PPARG: variants seen among roughly 807,000 people sequenced by gnomAD.
PPARG encodes the protein peroxisome proliferator activated receptor gamma.
PPARG carries 17 observed loss-of-function variants against 39.2 expected under a neutral mutation model. The ratio of observed to expected loss-of-function variants is 0.43; its 90% CI spans 0.30 to 0.65. The LOEUF is 0.65. Among genes scored for constraint, PPARG ranks in the 30% least tolerant of loss-of-function variants. The pLI, the probability that PPARG is intolerant of heterozygous loss-of-function variation, is 0.13. For missense variants in PPARG, 406 were observed against 585.9 expected (o/e 0.69, Z 3.17); for synonymous variants, 223 against 215.7 (o/e 1.03, Z -0.30).
At chr3:12,329,691 T>C (rs1029184304) in intron 2 of PPARG, among the ~76,000 whole-genome samples, 27 of 152,236 alleles carry the variant, frequency 1.8e-4, no homozygotes, top group African/African-American at 6.3e-4. Flanking sequence ...ATTGGTACAG[T>C]GGCATTGGTT....
intron 2 of PPARG, among the ~76,000 whole-genome samples, chr3:12,366,778 C>T (rs551229239): frequency 5.3e-5 from 8 of 152,164 alleles, no homozygotes; most frequent in African/African-American, 1.2e-4. Flanking sequence ...TCTTTTCATA[C>T]ATTATCGGAT....
chr3:12,433,513 G>A (rs1243160399), intron 7 of PPARG, among the ~76,000 whole-genome samples: 1 of 150,002 alleles, frequency 6.7e-6, no homozygotes. Context: ...ACTCCAGCCT[G>A]GATGACAGAG....
intron 1 of PPARG, chr3:12,301,819 T>C (rs958838224): frequency 1.3e-5 from 2 of 152,142 alleles, no homozygotes; most frequent in African/African-American, 2.4e-5. Flanking sequence ...CAAGAGAAGA[T>C]AATATAAGGA....
At chr3:12,396,914 A>C (rs1397854369) in intron 5 of PPARG, among the ~76,000 whole-genome samples, 1 of 151,962 alleles carries the variant, frequency 6.6e-6, no homozygotes, top group Non-Finnish European at 1.5e-5. Context: ...TTAGAGATGG[A>C]GTCTCCCTGT....
chr3:12,290,976 G>A (rs986539464), intron 1 of PPARG, among the ~76,000 whole-genome samples: 1 of 152,180 alleles, frequency 6.6e-6, no homozygotes, highest in Non-Finnish European at 1.5e-5. Context: ...GCATAGGACA[G>A]AGTTGGTCAT....
At chr3:12,354,981 A>C (rs1575045589) in intron 2 of PPARG, among the ~76,000 whole-genome samples, 1 of 152,276 alleles carries the variant, frequency 6.6e-6, no homozygotes, top group Non-Finnish European at 1.5e-5. Context: ...CACTTTCATT[A>C]ATATTTTCCT....
At chr3:12,347,262 G>A (rs1373365264) in intron 2 of PPARG, among the ~76,000 whole-genome samples, 1 of 151,766 alleles carries the variant, frequency 6.6e-6, no homozygotes, top group African/African-American at 2.4e-5. Flanking sequence ...AGGCAGGGGG[G>A]TCACTTGAGC....
intron 2 of PPARG, 54 bp from the exon 3 acceptor site, chr3:12,379,650 G>C (rs2049552282): frequency 1.4e-6 from 2 of 1,470,198 alleles, no homozygotes; most frequent in East Asian, 4.5e-5. Context: ...AACTCTGTGA[G>C]ATTGCTGTGT....
intron 1 of PPARG, among the ~76,000 whole-genome samples, chr3:12,290,385 C>T (rs973822619): frequency 5.9e-5 from 9 of 151,910 alleles, no homozygotes; most frequent in South Asian, 2.1e-4. Context: ...AAAATGTCCA[C>T]CGGCCTCATA....
intron 5 of PPARG, among the ~76,000 whole-genome samples, chr3:12,398,212 G>A (rs1056803748): frequency 2.6e-5 from 4 of 151,954 alleles, no homozygotes; most frequent in Non-Finnish European, 5.9e-5. Flanking sequence ...AGAAAAGACT[G>A]GAATTGGGAA....
intron 1 of PPARG, among the ~76,000 whole-genome samples, chr3:12,297,062 G>A (rs539904138): frequency 1.3e-5 from 2 of 152,284 alleles, no homozygotes; most frequent in Non-Finnish European, 2.9e-5. Context: ...TTTTCCAAAG[G>A]GCTGGAGAAT....
At chr3:12,291,379 A>G (rs371830944) in intron 1 of PPARG, among the ~76,000 whole-genome samples, 1 of 152,208 alleles carries the variant, frequency 6.6e-6, no homozygotes, top group Non-Finnish European at 1.5e-5. Context: ...TTGCAAGTGT[A>G]GATATCCCCA....
chr3:12,385,971 G>A (rs561298178), intron 4 of PPARG, among the ~76,000 whole-genome samples: 1 of 152,234 alleles, frequency 6.6e-6, no homozygotes, highest in East Asian at 1.9e-4. Flanking sequence ...AAATTTGTCT[G>A]TTACTTTCTA....
At chr3:12,310,351 G>C (rs2047192277) in intron 1 of PPARG, among the ~76,000 whole-genome samples, 2 of 151,896 alleles carry the variant, frequency 1.3e-5, no homozygotes, top group South Asian at 2.1e-4. Flanking sequence ...AAGGAAAGCT[G>C]GTACAACTTA....
intron 1 of PPARG, among the ~76,000 whole-genome samples, chr3:12,302,225 G>A (rs1013220457): frequency 1.3e-5 from 2 of 152,064 alleles, no homozygotes; most frequent in African/African-American, 4.8e-5. Context: ...ATAGCCTCAC[G>A]AAAAATACTA....
chr3:12,395,453 T>C (rs2050225031), intron 5 of PPARG, among the ~76,000 whole-genome samples: 1 of 152,228 alleles, frequency 6.6e-6, no homozygotes, highest in Admixed American at 6.5e-5. Context: ...ATACAGAGCC[T>C]CTGGGCTAGA....
intron 7 of PPARG, among the ~76,000 whole-genome samples, chr3:12,424,095 C>G (rs538734634): frequency 6.6e-6 from 1 of 152,094 alleles, no homozygotes; most frequent in African/African-American, 2.4e-5. Context: ...CTAGAAATGT[C>G]CCATTAGTTC....
chr3:12,310,519 AGTGGCG>A (rs2047202995), intron 1 of PPARG, among the ~76,000 whole-genome samples: 1 of 66,498 alleles, frequency 1.5e-5, no homozygotes, highest in Non-Finnish European at 2.9e-5. Context: ...GCTGGAGTGC[AGTGGCG>A]GGATCTCGGC....
intron 2 of PPARG, among the ~76,000 whole-genome samples, chr3:12,352,546 T>A (rs2048521229): frequency 6.6e-6 from 1 of 152,204 alleles, no homozygotes; most frequent in South Asian, 2.1e-4. Context: ...TCATTTTATT[T>A]TTCTCTTCTC....
Sources: gnomAD v4.1 joint callset for allele counts (sites outside exome capture counted in the v4.1 genomes callset) on GRCh38, gnomAD v4.1.1 for gene constraint, MANE v1.5 for transcripts, NCBI Gene and HGNC (gene_info 2026-07-23, HGNC 2026-07-21) for gene names.